The following SGCZ variants were observed in gnomAD, a reference collection of about 807,000 sequenced individuals.
SGCZ encodes the protein zeta-sarcoglycan.
A neutral mutation model predicts 41.3 loss-of-function variants in SGCZ; 40 were observed. That is an observed-to-expected ratio of 0.97 (90% CI 0.75 to 1.26). SGCZ has a LOEUF of 1.26. Ranked by LOEUF, SGCZ falls within the 50% of genes most tolerant of loss-of-function variation. The probability of loss-of-function intolerance (pLI) is 0.00; values close to 1 mark genes in which losing one functional copy is unlikely to be tolerated. For missense variants in SGCZ, 552 were observed against 369.8 expected (o/e 1.49, Z -4.04); for synonymous variants, 206 against 137.5 (o/e 1.50, Z -3.49).
At chr8:14,786,917 A>G (rs1585259661) in intron 1 of SGCZ, among the ~76,000 whole-genome samples, 1 of 152,052 alleles carries the variant, frequency 6.6e-6, no homozygotes, top group African/African-American at 2.4e-5. Context: ...GCTGTATGAT[A>G]AATTAGAGGA....
chr8:14,504,125 T>C (rs1394152637), intron 2 of SGCZ, among the ~76,000 whole-genome samples: 3 of 152,198 alleles, frequency 2.0e-5, no homozygotes, highest in African/African-American at 7.2e-5. Flanking sequence ...TCATGACTGA[T>C]GACAAATTAT....
intron 1 of SGCZ, among the ~76,000 whole-genome samples, chr8:14,648,271 C>T (rs1044174846): frequency 1.3e-5 from 2 of 152,052 alleles, no homozygotes; most frequent in South Asian, 2.1e-4. Context: ...CTCTGTCTGG[C>T]TAGATGATGG....
At chr8:14,965,310 T>A (rs1390999940) in intron 1 of SGCZ, among the ~76,000 whole-genome samples, 1 of 152,104 alleles carries the variant, frequency 6.6e-6, no homozygotes, top group Non-Finnish European at 1.5e-5. Context: ...AGCCAATCAC[T>A]TTTCCTAGAG....
chr8:15,075,842 G>C (rs61557184), intron 1 of SGCZ, among the ~76,000 whole-genome samples: 2,318 of 151,740 alleles, frequency 0.015, 47 homozygotes, highest in African/African-American at 0.052. Context: ...TTTTATGCTT[G>C]CCTACCAATA....
chr8:14,670,564 G>T (rs545066763), intron 1 of SGCZ, among the ~76,000 whole-genome samples: 1 of 152,102 alleles, frequency 6.6e-6, no homozygotes, highest in Admixed American at 6.6e-5. Flanking sequence ...TGAGGCTAAT[G>T]GGATATGAGC....
At chr8:15,150,991 T>C (rs998341550) in intron 1 of SGCZ, among the ~76,000 whole-genome samples, 10 of 152,200 alleles carry the variant, frequency 6.6e-5, no homozygotes, top group African/African-American at 2.4e-4. Flanking sequence ...ATGGCAGAAA[T>C]TATGGGCACT....
At chr8:14,479,837 C>A (rs1343519618) in intron 2 of SGCZ, among the ~76,000 whole-genome samples, 3 of 151,212 alleles carry the variant, frequency 2.0e-5, no homozygotes, top group African/African-American at 7.3e-5. Context: ...CCTCCGCCTC[C>A]CAGGTTCAAG....
intron 1 of SGCZ, among the ~76,000 whole-genome samples, chr8:14,988,334 C>G (rs138931802): frequency 1.3e-5 from 2 of 152,024 alleles, no homozygotes; most frequent in Non-Finnish European, 2.9e-5. Flanking sequence ...ATAAGATATA[C>G]CATACTTTCT....
intron 4 of SGCZ, among the ~76,000 whole-genome samples, chr8:14,226,201 A>G (rs968542475): frequency 6.6e-6 from 1 of 152,082 alleles, no homozygotes; most frequent in South Asian, 2.1e-4. Context: ...GTTATATATA[A>G]AAAAAGACAG....
At chr8:15,078,184 G>A (rs77809283) in intron 1 of SGCZ, among the ~76,000 whole-genome samples, 4,472 of 97,108 alleles carry the variant, frequency 0.046, 386 homozygotes, top group African/African-American at 0.17. Flanking sequence ...TTTGCGTAAT[G>A]AATCCACCCT....
intron 5 of SGCZ, among the ~76,000 whole-genome samples, chr8:14,117,943 A>G (rs1303027635): frequency 7.7e-6 from 1 of 129,700 alleles, no homozygotes; most frequent in Non-Finnish European, 1.7e-5. Context: ...TTAGTATTCC[A>G]TGGTTTATAT....
Position 14,797,866 on chromosome 8 carries a change from G to A in SGCZ, c.40-242940C>T, listed in dbSNP as rs146126441. On this transcript the variant is annotated intron_variant, in intron 1 of 7. Coordinates refer to ENST00000382080, the MANE Select transcript of SGCZ (RefSeq NM_139167.4). The stretch of plus-strand genomic sequence containing the variant: ...AAGGTAAAGCTCAGCCAATGGCTTC[G>A]TAGGGTGAAAACCCCAAGCCTTGGC... 6.8e-4 allele frequency among the ~76,000 whole-genome samples: 104 copies of A among 152,338 alleles called. 1 individual carries two copies. The East Asian group carries it at 0.014, about 21-fold the overall frequency.
intron 1 of SGCZ, among the ~76,000 whole-genome samples, chr8:14,703,861 T>C (rs1271196426): frequency 1.3e-5 from 2 of 152,126 alleles, no homozygotes; most frequent in East Asian, 3.9e-4. Context: ...TATAGAAAAT[T>C]GCTAATTTAA....
At chr8:15,228,827 A>T (rs1335329501) in intron 1 of SGCZ, among the ~76,000 whole-genome samples, 1 of 152,234 alleles carries the variant, frequency 6.6e-6, no homozygotes, top group African/African-American at 2.4e-5. Context: ...TAGACAAATG[A>T]AGTCATGCAA....
At chr8:14,772,970 A>T (rs1456039697) in intron 1 of SGCZ, among the ~76,000 whole-genome samples, 10 of 152,130 alleles carry the variant, frequency 6.6e-5, no homozygotes, top group African/African-American at 2.4e-4. Flanking sequence ...GTCAAATGGC[A>T]TCTCTAGTTC....
chr8:14,173,740 T>C (rs1020274127), intron 4 of SGCZ, among the ~76,000 whole-genome samples: 30 of 143,236 alleles, frequency 2.1e-4, no homozygotes, highest in South Asian at 2.2e-4. Context: ...AAACAAAAGA[T>C]AGAGGAGATG....
At chr8:14,304,382 C>A (rs1346447926) in intron 3 of SGCZ, among the ~76,000 whole-genome samples, 1 of 152,028 alleles carries the variant, frequency 6.6e-6, no homozygotes, top group Non-Finnish European at 1.5e-5. Context: ...TTGCTTGAGC[C>A]CATGAGTTTG....
chr8:14,265,722 A>T (rs2117247801), intron 3 of SGCZ, among the ~76,000 whole-genome samples: 1 of 152,128 alleles, frequency 6.6e-6, no homozygotes, highest in South Asian at 2.1e-4. Flanking sequence ...AAGAAAATGT[A>T]GAGAGACAAT....
At chr8:14,416,842 T>TGC (rs1799506098) in intron 2 of SGCZ, among the ~76,000 whole-genome samples, 1 of 151,864 alleles carries the variant, frequency 6.6e-6, no homozygotes, top group African/African-American at 2.4e-5. Context: ...TATTGAAGAT[T>TGC]AAGTAGAATA....
Sources: gnomAD v4.1 joint callset for allele counts (sites outside exome capture counted in the v4.1 genomes callset) on GRCh38, gnomAD v4.1.1 for gene constraint, MANE v1.5 for transcripts, NCBI Gene and HGNC (gene_info 2026-07-23, HGNC 2026-07-21) for gene names.